Variants in ZNF331 observed in about 807,000 individuals in gnomAD.
ZNF331 encodes the protein zinc finger protein 331.
In ZNF331, 2 loss-of-function variants were observed where a neutral mutation model predicts 7.0. The observed-to-expected ratio is 0.29, with a 90% CI of 0.12 to 0.90. ZNF331 has a LOEUF of 0.90. Among genes scored for constraint, ZNF331 ranks in the 40% least tolerant of loss-of-function variants. ZNF331 has a pLI of 0.58. For synonymous variants in ZNF331, 196 were observed against 205.4 expected, an observed-to-expected ratio of 0.95 and a Z score of 0.39; for missense variants, 432 against 587.7, an observed-to-expected ratio of 0.74 and a Z score of 2.74.
rs906747191 is a variant in ZNF331 at position 53,578,125 on chromosome 19, G to A, written c.*173G>A. On this transcript the variant is annotated 3_prime_UTR_variant, in exon 6 of 6. Transcript: ENST00000449416. The stretch of plus-strand genomic sequence containing the variant: ...AGCGTGATGAAATCTCTCGCTGTCC[G>A]GCTCCAGCCGGCCGGGGATGTGAGT... The A allele has an allele frequency of 1.1e-4, 94 of 866,390 alleles. No homozygotes were observed. The highest frequency in any genetic ancestry group is 1.5e-4 in the Non-Finnish European group (88 of 588,396). 53.7% of individuals were successfully genotyped at this position (866,390 alleles called of 1,614,324 possible). A position where few individuals can be genotyped will look rare whatever the true frequency, so the allele number is the denominator to read the frequency against.
the ZNF331 span, among the ~76,000 whole-genome samples, chr19:53,505,618 G>C: frequency 5.3e-5 from 8 of 152,300 alleles, no homozygotes; most frequent in African/African-American, 1.9e-4. Flanking sequence ...GGGGTGAAGT[G>C]TGGCTGCAAA....
At position 53,560,076 on chromosome 19, in the gene ZNF331, CACACACATATAT is replaced by C. The variant is rs1233326820; in HGVS notation, c.-74+4180_-74+4191del. Among the ~76,000 whole-genome samples, 2 of 149,490 alleles carry C rather than the reference CACACACATATAT, an allele frequency of 1.3e-5. No individual in the cohort carries two copies. The highest frequency in any genetic ancestry group is 2.1e-4 in the South Asian group (1 of 4,792). On this transcript the variant is annotated intron_variant, in intron 3 of 5. Transcript: ENST00000449416. The surrounding 1 kb of genome is among the most constrained non-coding windows in gnomAD (Gnocchi z 4.3). ...TACACACCTACATATACATACCATA[CACACACATATAT>C]ACACACATATACCCACACCATACAC...
Position 53,560,552 on chromosome 19 carries a change from A to G in ZNF331, c.-74+4644A>G, listed in dbSNP as rs963801360. Among the ~76,000 whole-genome samples the G allele has an allele frequency of 1.8e-4, 28 of 152,178 alleles. No homozygotes were observed. The highest frequency in any genetic ancestry group is 6.8e-4 in the African/African-American group (28 of 41,436). On this transcript the variant is annotated intron_variant, in intron 3 of 5. Coordinates refer to ENST00000449416, the MANE Select transcript of ZNF331 (RefSeq NM_001079906.2). This position sits in a 1 kb window ranked among gnomAD's most constrained non-coding sequence, Gnocchi z 4.3. ...TTGCTGTTTTAACAAATTACTGTAG[A>G]TTATTGGCGTCATACAACACAAATG...
chr19:53,557,067 C>A (rs1220780818), intron 3 of ZNF331, among the ~76,000 whole-genome samples: 3 of 149,006 alleles, frequency 2.0e-5, no homozygotes, highest in African/African-American at 7.5e-5. Flanking sequence ...CAATCTGCTG[C>A]CTGCCTCGGC....
intron 2 of ZNF331, among the ~76,000 whole-genome samples, chr19:53,544,024 C>T (rs540158362): frequency 1.3e-5 from 2 of 150,930 alleles, no homozygotes; most frequent in South Asian, 2.1e-4. Context: ...GTCAGGAGAT[C>T]GAGACCGTCC....
chr19:53,556,216 C>T (rs993796408), intron 3 of ZNF331, among the ~76,000 whole-genome samples: 7 of 145,258 alleles, frequency 4.8e-5, no homozygotes, highest in Non-Finnish European at 1.0e-4. Context: ...TCACTCCAGC[C>T]TGGGCAACAC....
intron 2 of ZNF331, among the ~76,000 whole-genome samples, chr19:53,542,679 C>T (rs893560960): frequency 3.9e-5 from 6 of 152,116 alleles, no homozygotes; most frequent in Admixed American, 6.5e-5. Context: ...AACATTTCCT[C>T]GTTATATTTC....
intron 2 of ZNF331, among the ~76,000 whole-genome samples, chr19:53,524,593 C>G (rs920119588): frequency 5.9e-5 from 9 of 152,200 alleles, no homozygotes; most frequent in African/African-American, 1.9e-4. Flanking sequence ...TATCCTTGGC[C>G]CACTTTTTGA....
chr19:53,558,488 C>T lies in ZNF331; in HGVS notation c.-74+2580C>T, dbSNP rs560723819. On this transcript the variant is annotated intron_variant, in intron 3 of 5. Transcript: ENST00000449416. This position sits in a 1 kb window ranked among gnomAD's most constrained non-coding sequence, Gnocchi z 4.5. ...TGGATAGGTGTGACTGAAGCATGCACGAATGTGTTGAAACGTGATTGGACA... is the reference window on the plus strand; with the variant it reads ...TGGATAGGTGTGACTGAAGCATGCATGAATGTGTTGAAACGTGATTGGACA... Among the ~76,000 whole-genome samples, 3 of 152,116 alleles carry T rather than the reference C, an allele frequency of 2.0e-5. No homozygotes were observed. The South Asian group carries it at 6.2e-4, about 32-fold the overall frequency.
At chr19:53,503,728 G>A in the ZNF331 span, 51 of 700,604 alleles carry the variant, frequency 7.3e-5, 1 homozygote, top group Middle Eastern at 2.5e-4. Context: ...TCAGCCCCAG[G>A]AGCTCAGGTG....
In ZNF331 at chr19:53,569,526, A is replaced by G. The variant is rs948000808; in HGVS notation, c.9+141A>G. Reference sequence around the variant, plus strand: ...AGCTCTTTCTATTCCAGTGAATGATAATGCCACGTAGCTCCGTGTCTGCCT... The same window carrying G: ...AGCTCTTTCTATTCCAGTGAATGATGATGCCACGTAGCTCCGTGTCTGCCT... On this transcript the variant is annotated intron_variant, in intron 4 of 5. Coordinates refer to ENST00000449416, the MANE Select transcript of ZNF331 (RefSeq NM_001079906.2). 4.0e-5 allele frequency: 39 copies of G among 963,058 alleles called. No homozygotes were observed. The Admixed American group carries it at 8.0e-4, about 20-fold the overall frequency. The allele number at this position is 963,058 out of a possible 1,614,324, so 59.7% of individuals were successfully genotyped here. A position where few individuals can be genotyped will look rare whatever the true frequency, so the allele number is the denominator to read the frequency against.
chr19:53,570,751 C>T (rs949664746), intron 4 of ZNF331, among the ~76,000 whole-genome samples: 90 of 152,014 alleles, frequency 5.9e-4, no homozygotes, highest in Admixed American at 5.8e-3. Flanking sequence ...AACCTGGTCT[C>T]GAACCCCCAA....
At position 53,571,235 on chromosome 19, in the gene ZNF331, T is replaced by C. The variant is rs533404461; in HGVS notation, c.10-369T>C. On this transcript the variant is annotated intron_variant, in intron 4 of 5. Coordinates refer to ENST00000449416, the MANE Select transcript of ZNF331 (RefSeq NM_001079906.2). This position sits in a 1 kb window ranked among gnomAD's most constrained non-coding sequence, Gnocchi z 4.7. ...TCTTAAACAGAAATCTTGATTTTTC[T>C]TCCCCCCTTAAAAGAAAAAATGCTG... Among the ~76,000 whole-genome samples, 316 of 152,320 alleles carry C rather than the reference T, an allele frequency of 2.1e-3. 1 individual carries two copies. The highest frequency in any genetic ancestry group is 7.0e-3 in the African/African-American group (290 of 41,576).
chr19:53,505,545 G>A, the ZNF331 span, among the ~76,000 whole-genome samples: 5 of 152,174 alleles, frequency 3.3e-5, no homozygotes, highest in South Asian at 4.1e-4. Flanking sequence ...AGTCACCAAC[G>A]TACGTGGATT....
At position 53,577,973 on chromosome 19, in the gene ZNF331, G is replaced by A. The variant is rs776904317; in HGVS notation, c.*21G>A. 3.5e-5 allele frequency: 56 copies of A among 1,589,378 alleles called. No homozygotes were observed. The highest frequency in any genetic ancestry group is 4.6e-5 in the Non-Finnish European group (54 of 1,164,678). On this transcript the variant is annotated 3_prime_UTR_variant, in exon 6 of 6. Transcript: ENST00000449416. ...GTTGAAGAGCCTTTTGAACGCAGTA[G>A]CCCGCTCGTATCTATGGTTTCGCTT...
At chr19:53,526,489 G>T (rs570139789) in intron 2 of ZNF331, among the ~76,000 whole-genome samples, 2 of 152,054 alleles carry the variant, frequency 1.3e-5, no homozygotes, top group Non-Finnish European at 1.5e-5. Context: ...AATCTTGATA[G>T]ATTATATATT....
chr19:53,537,980 CTG>C (rs1422088898), upstream of ZNF331: 1 of 152,136 alleles, frequency 6.6e-6, no homozygotes, highest in Non-Finnish European at 1.5e-5. Flanking sequence ...TATCGGGGGT[CTG>C]TGTACGCTCA....
intron 3 of ZNF331, among the ~76,000 whole-genome samples, chr19:53,567,753 G>A (rs1377299874): frequency 6.6e-6 from 1 of 151,806 alleles, no homozygotes; most frequent in African/African-American, 2.4e-5. Flanking sequence ...TGAGGTGGGA[G>A]GATTGCTCGA....
chr19:53,552,566 G>GA (rs1347338330), intron 2 of ZNF331, among the ~76,000 whole-genome samples: 2 of 151,136 alleles, frequency 1.3e-5, no homozygotes, highest in Non-Finnish European at 3.0e-5. Context: ...AAAAAAAAAA[G>GA]AAAAAAAATT....
Sources: gnomAD v4.1 joint callset for allele counts (sites outside exome capture counted in the v4.1 genomes callset) on GRCh38, gnomAD v4.1.1 for gene constraint, Gnocchi (gnomAD v3.1) non-coding constraint, MANE v1.5 for transcripts, NCBI Gene and HGNC (gene_info 2026-07-23, HGNC 2026-07-21) for gene names.